IRAG2: variants seen among roughly 807,000 people sequenced by gnomAD.
The protein encoded by IRAG2 is lymphoid restricted membrane protein.
Under a neutral mutation model 69.9 loss-of-function variants are expected in IRAG2, and 45 were observed. That is an observed-to-expected ratio of 0.64 (90% CI 0.51 to 0.83). The LOEUF (loss-of-function observed/expected upper bound fraction) is 0.83. Among genes scored for constraint, IRAG2 ranks in the 40% least tolerant of loss-of-function variants. The pLI, the probability that IRAG2 is intolerant of heterozygous loss-of-function variation, is 0.00. For synonymous variants in IRAG2, 193 were observed against 202.4 expected (o/e 0.95, Z 0.40); for missense variants, 520 against 587.0 (o/e 0.89, Z 1.18).
chr12:25,022,928 C>A (rs747995787), intron 7 of IRAG2, among the ~76,000 whole-genome samples: 63 of 152,248 alleles, frequency 4.1e-4, no homozygotes, highest in Non-Finnish European at 7.6e-4. Flanking sequence ...GAGTTCGAGG[C>A]CAGCCTGGCC....
At chr12:25,050,181 T>G (rs563181757), upstream of IRAG2, among the ~76,000 whole-genome samples, 2 of 150,978 alleles carry the variant, frequency 1.3e-5, no homozygotes, top group African/African-American at 2.4e-5. Flanking sequence ...GATGTAGAGA[T>G]ATTGGAGTCC....
At chr12:24,999,118 A>G in the IRAG2 span, among the ~76,000 whole-genome samples, 1 of 152,232 alleles carries the variant, frequency 6.6e-6, no homozygotes, top group African/African-American at 2.4e-5. Flanking sequence ...TTACATATAC[A>G]TTCCTAAAGA....
chr12:25,020,739 G>A, intron 6 of IRAG2: 2 of 883,426 alleles, frequency 2.3e-6, no homozygotes, highest in Non-Finnish European at 3.0e-6. Flanking sequence ...TAGTGTCTTT[G>A]ACGGTTATAT....
intron 9 of IRAG2, 26 bp from the exon 10 acceptor site, chr12:25,083,397 C>T: frequency 1.3e-6 from 2 of 1,533,932 alleles, no homozygotes; most frequent in Non-Finnish European, 1.8e-6. Flanking sequence ...CCCCTAACTG[C>T]TTTGTGTGTT....
intron 6 of IRAG2, 68 bp from the exon 7 acceptor site, chr12:25,079,176 T>C: frequency 6.5e-7 from 1 of 1,527,110 alleles, no homozygotes; most frequent in South Asian, 1.1e-5. Context: ...AATGTTTGCT[T>C]AAAACAACCT....
Position 25,069,352 on chromosome 12 carries a change from G to T in IRAG2, c.-56G>T, listed in dbSNP as rs1437064848. On this transcript the variant is annotated splice_region_variant and 5_prime_UTR_variant, in exon 6 of 22. Coordinates refer to ENST00000556887, the MANE Select transcript of IRAG2 (RefSeq NM_001366544.2). The stretch of plus-strand genomic sequence containing the variant: ...ATAACTCTACTTCCTACTGCCAGGT[G>T]CCCAGGCCCCACAAGTGGCCCCAGC... 4 of 1,486,862 alleles carry T rather than the reference G, an allele frequency of 2.7e-6. No individual in the cohort carries two copies. Among genetic ancestry groups the T allele is most frequent in the Middle Eastern group, 1.7e-4 (1 of 5,788 alleles). The allele number at this position is 1,486,862 out of a possible 1,614,324, so 92.1% of individuals were successfully genotyped here.
chr12:25,017,748 G>A (rs575090115), intron 6 of IRAG2, among the ~76,000 whole-genome samples: 1 of 151,594 alleles, frequency 6.6e-6, no homozygotes, highest in East Asian at 1.9e-4. Flanking sequence ...AAAAACTTGA[G>A]TATATTCTCA....
chr12:25,052,880 A>G lies in IRAG2; in HGVS notation c.-523A>G. 1 of 398,626 alleles carries G rather than the reference A, an allele frequency of 2.5e-6. No homozygotes were observed. The highest frequency in any genetic ancestry group is 4.4e-6 in the Non-Finnish European group (1 of 226,062). 24.7% of individuals were successfully genotyped at this position (398,626 alleles called of 1,614,324 possible). ...AATTAGAGGAAGCAATTTCGGAACA[A>G]CGGAACCTTCAAACTATAAATACTG... is the stretch of plus-strand genomic sequence containing the variant. On this transcript the variant is annotated 5_prime_UTR_variant, in exon 1 of 22. Transcript: ENST00000556887.
chr12:25,001,611 A>T (rs936927681), upstream of IRAG2, among the ~76,000 whole-genome samples: 1 of 152,120 alleles, frequency 6.6e-6, no homozygotes, highest in Non-Finnish European at 1.5e-5. Context: ...CCACATCATC[A>T]TTCAGTGACA....
intron 16 of IRAG2, among the ~76,000 whole-genome samples, chr12:25,043,906 C>A (rs187890766): frequency 6.6e-6 from 1 of 152,258 alleles, no homozygotes; most frequent in Non-Finnish European, 1.5e-5. Flanking sequence ...AGGTAAAGAA[C>A]TTACCTGACA....
At chr12:24,999,158 G>A in the IRAG2 span, among the ~76,000 whole-genome samples, 5 of 152,160 alleles carry the variant, frequency 3.3e-5, no homozygotes, top group Non-Finnish European at 5.9e-5. Context: ...TTGTACATAC[G>A]TAGTAGATTA....
At chr12:25,055,511 G>A (rs1447057201) in intron 1 of IRAG2, among the ~76,000 whole-genome samples, 1 of 152,094 alleles carries the variant, frequency 6.6e-6, no homozygotes, top group African/African-American at 2.4e-5. Context: ...ACAACGTGCA[G>A]GTTTGTTATA....
rs944840752 is a variant in IRAG2 at position 25,016,456 on chromosome 12, G to A, written c.1056-678G>A. On this transcript the variant is annotated intron_variant, in intron 5 of 38. Transcript: ENST00000636465. ...GAACTGTTTCCTAGGTAAACCTGCC[G>A]AGATCCCTTCGCTGAAAGAATATAG... Among the ~76,000 whole-genome samples the A allele has an allele frequency of 3.3e-5, 5 of 152,018 alleles. No individual in the cohort carries two copies. The East Asian group carries it at 7.7e-4, about 24-fold the overall frequency.
chr12:25,025,542 A>C (rs1944614426), intron 8 of IRAG2, among the ~76,000 whole-genome samples: 1 of 152,204 alleles, frequency 6.6e-6, no homozygotes, highest in Non-Finnish European at 1.5e-5. Context: ...CACTTGAGTG[A>C]GATGGGAGCC....
At chr12:25,006,825 A>G (rs1415727288) in intron 2 of IRAG2, among the ~76,000 whole-genome samples, 1 of 152,160 alleles carries the variant, frequency 6.6e-6, no homozygotes, top group Admixed American at 6.5e-5. Flanking sequence ...CAATTTACTC[A>G]TGTAGCAAAC....
intron 3 of IRAG2, among the ~76,000 whole-genome samples, chr12:25,012,312 G>A (rs144152489): frequency 5.4e-4 from 82 of 151,596 alleles, no homozygotes; most frequent in African/African-American, 1.9e-3. Context: ...GTGCCACCAT[G>A]CCCGGCTAAT....
chr12:25,090,584 A>G (rs1947974324), intron 14 of IRAG2, among the ~76,000 whole-genome samples: 1 of 152,134 alleles, frequency 6.6e-6, no homozygotes, highest in South Asian at 2.1e-4. Flanking sequence ...ACATTTGGTC[A>G]TATTTTCAAT....
At chr12:25,069,259 G>A (rs756318849) in intron 5 of IRAG2, 91 bp from the exon 6 acceptor site, 17 of 611,620 alleles carry the variant, frequency 2.8e-5, no homozygotes, top group Middle Eastern at 2.9e-4. Flanking sequence ...AGGACTGGGC[G>A]TAGGGGAGTG....
At chr12:25,011,588 T>C in intron 3 of IRAG2, 1 of 1,156,008 alleles carries the variant, frequency 8.7e-7, no homozygotes, top group Non-Finnish European at 1.1e-6. Flanking sequence ...TTTAAGGTTC[T>C]ATTTTAACAA....
Sources: gnomAD v4.1 joint callset for allele counts (sites outside exome capture counted in the v4.1 genomes callset) on GRCh38, gnomAD v4.1.1 for gene constraint, MANE v1.5 for transcripts, NCBI Gene and HGNC (gene_info 2026-07-23, HGNC 2026-07-21) for gene names.